The following LRIF1 variants were observed in gnomAD, a reference collection of about 807,000 sequenced individuals.
The protein encoded by LRIF1 is ligand dependent nuclear receptor interacting factor 1.
LRIF1 carries 32 observed loss-of-function variants against 52.7 expected under a neutral mutation model. The observed-to-expected ratio is 0.61, with a 90% CI of 0.46 to 0.82. LRIF1 has a LOEUF of 0.82. LRIF1 is among the 40% of genes least tolerant of loss of function. LRIF1 has a pLI of 0.00. For missense variants in LRIF1, 887 were observed against 892.0 expected (o/e 0.99, Z 0.07); for synonymous variants, 323 against 317.4 (o/e 1.02, Z -0.19).
the LRIF1 span, among the ~76,000 whole-genome samples, chr1:110,907,472 A>G: frequency 2.6e-5 from 4 of 152,134 alleles, no homozygotes; most frequent in Admixed American, 2.0e-4. Context: ...GATTTGAGCC[A>G]GGCGCGGTGG....
At chr1:110,916,667 C>T in the LRIF1 span, among the ~76,000 whole-genome samples, 1 of 151,954 alleles carries the variant, frequency 6.6e-6, no homozygotes, top group Non-Finnish European at 1.5e-5. Context: ...AAAATAAATT[C>T]CAATATATGC....
At chr1:110,886,397 G>A in the LRIF1 span, among the ~76,000 whole-genome samples, 30 of 152,046 alleles carry the variant, frequency 2.0e-4, no homozygotes, top group African/African-American at 5.5e-4. Context: ...GTTCCATAGG[G>A]ATATTATTTT....
At chr1:110,918,230 G>C in the LRIF1 span, among the ~76,000 whole-genome samples, 2 of 152,234 alleles carry the variant, frequency 1.3e-5, no homozygotes, top group African/African-American at 4.8e-5. Context: ...TTCCCTTTGA[G>C]ACTGATGTCA....
the LRIF1 span, among the ~76,000 whole-genome samples, chr1:110,909,207 C>T: frequency 6.6e-6 from 1 of 152,280 alleles, no homozygotes; most frequent in South Asian, 2.1e-4. Context: ...ACCTGCCTTA[C>T]AAGAGGTCCT....
the LRIF1 span, among the ~76,000 whole-genome samples, chr1:110,884,036 A>C: frequency 1.3e-5 from 2 of 151,944 alleles, no homozygotes; most frequent in Non-Finnish European, 2.9e-5. Flanking sequence ...TATCTTCATT[A>C]TCTACTTCCT....
chr1:110,905,078 A>G, the LRIF1 span, among the ~76,000 whole-genome samples: 1 of 152,200 alleles, frequency 6.6e-6, no homozygotes, highest in African/African-American at 2.4e-5. Context: ...ATTTGAAAAT[A>G]CAGTCAGAGG....
intron 1 of LRIF1, among the ~76,000 whole-genome samples, chr1:110,962,671 G>A (rs2101127001): frequency 6.6e-6 from 1 of 152,242 alleles, no homozygotes; most frequent in South Asian, 2.1e-4. Flanking sequence ...TTTACAGACT[G>A]GAAACAGGTA....
At chr1:110,945,632 G>T (rs1382930558), downstream of LRIF1, among the ~76,000 whole-genome samples, 1 of 152,150 alleles carries the variant, frequency 6.6e-6, no homozygotes, top group African/African-American at 2.4e-5. Context: ...CACCAGTGTT[G>T]GTCAGACTGG....
rs1658491409 is a variant in LRIF1 at position 110,951,819 on chromosome 1, ATTATCT to A, written c.1059_1064del (p.Lys353_Asp354del). ...CTTTCCCATTAAACATAACCAAAGC[ATTATCT>A]TTAATAGGCATATTTTTGGATCGCG... On this transcript the variant is annotated inframe_deletion, in exon 2 of 4. Transcript: ENST00000369763. 1 of 1,612,698 alleles carries A rather than the reference ATTATCT, an allele frequency of 6.2e-7. No homozygotes were observed. Among genetic ancestry groups the A allele is most frequent in the East Asian group, 2.2e-5 (1 of 44,862 alleles).
chr1:110,952,528 C>G lies in LRIF1; in HGVS notation c.356G>C (p.Arg119Thr). The G allele has an allele frequency of 6.2e-7, 1 of 1,613,948 alleles. No homozygotes were observed. Among genetic ancestry groups the G allele is most frequent in the Non-Finnish European group, 8.5e-7 (1 of 1,179,836 alleles). ...TRTVDTSEKG[R>T]VTSVGTGNFS... is the part of the protein sequence containing the mutation. ...ATTTCCAGTTCCCACAGAAGTAACT[C>G]TACCTTTTTCTGATGTATCTACTGT... is the stretch of plus-strand genomic sequence containing the variant. Residue 119 changes from arginine to threonine, a missense_variant, in exon 2 of 4, where the codon AGA (arginine) becomes ACA (threonine). Transcript: ENST00000369763.
the LRIF1 span, among the ~76,000 whole-genome samples, chr1:110,910,578 G>T: frequency 6.6e-6 from 1 of 152,162 alleles, no homozygotes; most frequent in Admixed American, 6.5e-5. Flanking sequence ...TCCAGCCTGG[G>T]CAACAGAGTG....
At chr1:110,940,795 T>C in the LRIF1 span, 1 of 152,140 alleles carries the variant, frequency 6.6e-6, no homozygotes, top group Non-Finnish European at 1.5e-5. Flanking sequence ...ATTGAACTCA[T>C]GGAGATAGTA....
the LRIF1 span, among the ~76,000 whole-genome samples, chr1:110,895,258 C>T: frequency 2.0e-5 from 3 of 152,190 alleles, no homozygotes; most frequent in Non-Finnish European, 4.4e-5. Context: ...TCTCTTTCAT[C>T]CTTTTCTAAC....
intron 1 of LRIF1, 107 bp downstream of exon 1, chr1:110,963,514 G>C (rs1273508696): frequency 1.4e-5 from 12 of 873,332 alleles, no homozygotes; most frequent in Non-Finnish European, 1.7e-5. Flanking sequence ...GCACTCTGCG[G>C]GCTCCAACTC....
chr1:110,908,043 CAG>C, the LRIF1 span, among the ~76,000 whole-genome samples: 6 of 152,134 alleles, frequency 3.9e-5, no homozygotes, highest in East Asian at 1.2e-3. Flanking sequence ...GGTGACCTTT[CAG>C]AGAGATGATA....
the LRIF1 span, among the ~76,000 whole-genome samples, chr1:110,889,536 C>T: frequency 4.0e-5 from 6 of 150,302 alleles, no homozygotes; most frequent in Non-Finnish European, 8.9e-5. Context: ...CCAGCCTCGG[C>T]GAAAGAGCAA....
At chr1:110,925,019 A>G in the LRIF1 span, among the ~76,000 whole-genome samples, 35 of 152,346 alleles carry the variant, frequency 2.3e-4, no homozygotes, top group African/African-American at 7.9e-4. Context: ...CTTTTAATGA[A>G]CTAGTAGTAT....
the LRIF1 span, among the ~76,000 whole-genome samples, chr1:110,887,934 C>G: frequency 2.6e-4 from 40 of 152,208 alleles, no homozygotes; most frequent in East Asian, 7.3e-3. Context: ...TCAAACATCT[C>G]GAAATGGGGT....
the LRIF1 span, among the ~76,000 whole-genome samples, chr1:110,930,047 C>T: frequency 6.6e-5 from 10 of 152,098 alleles, no homozygotes; most frequent in South Asian, 2.1e-4. Context: ...ACGTTTGGTG[C>T]GATATTATTA....
Sources: allele counts gnomAD v4.1 joint callset (sites outside exome capture counted in the v4.1 genomes callset), GRCh38; gene constraint gnomAD v4.1.1; transcripts MANE v1.5; gene names NCBI Gene and HGNC (gene_info 2026-07-23, HGNC 2026-07-21).